The following IST1 variants were observed in gnomAD, a reference collection of about 807,000 sequenced individuals.
IST1 encodes IST1 factor associated with ESCRT-III.
IST1 carries 23 observed loss-of-function variants against 37.0 expected under a neutral mutation model. That is an observed-to-expected ratio of 0.62 (90% CI 0.45 to 0.88). The LOEUF is 0.88. Ranked by LOEUF, IST1 falls within the 40% of genes least tolerant of loss-of-function variation. IST1 has a pLI of 0.00. For missense variants in IST1, 488 were observed against 445.4 expected, an observed-to-expected ratio of 1.10 and a Z score of -0.86; for synonymous variants, 180 against 161.7, an observed-to-expected ratio of 1.11 and a Z score of -0.86.
rs2037631720 is a variant in IST1, at chr16:71,922,659, A to G, written c.738A>G (p.Ser246=). The part of the protein sequence containing the change: ...MPMPSANTPF[S]YPLPKGPSDF... Reference sequence around the variant, plus strand: ...TGCCATCTGCAAATACGCCTTTCTCATATCCACTGCCAAAGGGACCAGTAA... The same window carrying G: ...TGCCATCTGCAAATACGCCTTTCTCGTATCCACTGCCAAAGGGACCAGTAA... The change falls in exon 7 of 10, where the codon TCA becomes TCG. Residue 246 remains serine, a synonymous_variant. Coordinates refer to ENST00000378799, the MANE Select transcript of IST1 (RefSeq NM_001270975.2). 1.2e-6 allele frequency: 2 copies of G among 1,610,156 alleles called. No homozygotes were observed. The highest frequency in any genetic ancestry group is 1.7e-6 in the Non-Finnish European group (2 of 1,179,016).
intron 4 of IST1, among the ~76,000 whole-genome samples, chr16:71,920,464 G>T (rs1252313684): frequency 1.3e-5 from 2 of 152,202 alleles, no homozygotes; most frequent in Admixed American, 1.3e-4. Context: ...TTTGATTAAT[G>T]TAAGACTCTA....
intron 7 of IST1, 70 bp downstream of exon 7, chr16:71,922,750 A>G: frequency 1.6e-6 from 2 of 1,286,738 alleles, no homozygotes; most frequent in Admixed American, 2.0e-5. Flanking sequence ...CTGTGAACAC[A>G]CTCAGGAATC....
At chr16:71,924,026 C>T (rs2037676329) in intron 8 of IST1, 1 of 441,766 alleles carries the variant, frequency 2.3e-6, no homozygotes, top group Non-Finnish European at 4.5e-6. Flanking sequence ...GTAAATTACT[C>T]ATCTAGGAAG....
rs533069531 is a variant in IST1 at position 71,908,720 on chromosome 16, C to G, written c.-15-6906C>G. The stretch of plus-strand genomic sequence containing the variant: ...TATACCAGCGGTCCCCTTTCTAGTT[C>G]CTCAAGCCAGGACTAGAGAGCTCTT... On this transcript the variant is annotated intron_variant, in intron 1 of 9. Coordinates refer to ENST00000378799, the MANE Select transcript of IST1 (RefSeq NM_001270975.2). Among the ~76,000 whole-genome samples the G allele has an allele frequency of 1.3e-4, 20 of 152,266 alleles. No homozygotes were observed. In the South Asian group the frequency reaches 4.1e-3, roughly 32 times the overall value.
At chr16:71,894,552 C>T (rs562791553), upstream of IST1, 4 of 246,018 alleles carry the variant, frequency 1.6e-5, no homozygotes, top group East Asian at 2.9e-4. Context: ...GGCCCTTTTT[C>T]TTTTTTTCTG....
intron 1 of IST1, among the ~76,000 whole-genome samples, chr16:71,898,388 AG>A (rs1240338206): frequency 1.4e-5 from 2 of 143,580 alleles, no homozygotes; most frequent in African/African-American, 2.6e-5. Context: ...AAAAAAAAAA[AG>A]AAACTCTCTT....
At chr16:71,911,452 G>A (rs900289810) in intron 1 of IST1, among the ~76,000 whole-genome samples, 1 of 151,008 alleles carries the variant, frequency 6.6e-6, no homozygotes, top group African/African-American at 2.4e-5. Flanking sequence ...AGAATTGCTT[G>A]AACTTGGGAG....
At chr16:71,901,314 C>T (rs1051937974) in intron 1 of IST1, among the ~76,000 whole-genome samples, 2 of 151,898 alleles carry the variant, frequency 1.3e-5, no homozygotes, top group African/African-American at 2.4e-5. Context: ...CCCGGGTTCA[C>T]GCCATTCTCC....
rs150281737 is a variant in IST1, at chr16:71,905,958, C to G, written c.-15-9668C>G. ...GCTTTATAATGTTCTGGGTTTCCTT[C>G]TGGTTAACACTTCCTTTCTGCATTA... On this transcript the variant is annotated intron_variant, in intron 1 of 9. Transcript: ENST00000378799. Among the ~76,000 whole-genome samples, 112 of 150,296 alleles carry G rather than the reference C, an allele frequency of 7.5e-4. 1 individual carries two copies. Among genetic ancestry groups the G allele is most frequent in the African/African-American group, 2.5e-3 (104 of 40,898 alleles).
chr16:71,901,712 TTTCC>T (rs2037112979), intron 1 of IST1, among the ~76,000 whole-genome samples: 1 of 152,214 alleles, frequency 6.6e-6, no homozygotes, highest in African/African-American at 2.4e-5. Context: ...ATTGCTTTTC[TTTCC>T]TTAATTCTAA....
intron 1 of IST1, among the ~76,000 whole-genome samples, chr16:71,910,632 AAAAG>A (rs1313003238): frequency 6.6e-6 from 1 of 151,740 alleles, no homozygotes; most frequent in Non-Finnish European, 1.5e-5. Flanking sequence ...AAAAAAGAAA[AAAAG>A]GTACTATGTA....
At chr16:71,926,088 G>T (rs956314796) in intron 9 of IST1, among the ~76,000 whole-genome samples, 1 of 151,964 alleles carries the variant, frequency 6.6e-6, no homozygotes, top group African/African-American at 2.4e-5. Context: ...TCAAGACCAG[G>T]CTGGTCAACA....
intron 3 of IST1, 70 bp from the exon 4 acceptor site, chr16:71,916,977 T>C (rs749127857): frequency 5.2e-4 from 510 of 983,384 alleles, no homozygotes; most frequent in Middle Eastern, 2.7e-3. Flanking sequence ...CTATAAAGTA[T>C]ATGAAACAAA....
Position 71,927,616 on chromosome 16 carries a change from C to T in IST1, c.904C>T (p.Pro302Ser), listed in dbSNP as rs775807288. 2 of 1,612,742 alleles carry T rather than the reference C, an allele frequency of 1.2e-6. No homozygotes were observed. The highest frequency in any genetic ancestry group is 1.7e-6 in the Non-Finnish European group (2 of 1,178,914). ...GTTGTGCTCCTTGCCCTAATTAGGT[C>T]CTGGACCCAAGCCAGAAGCCTCTGC... is the stretch of plus-strand genomic sequence containing the variant. ...KNISSAQIVG[P>S]GPKPEASAKL... The change falls in exon 10 of 10, where the codon CCT (proline) becomes TCT (serine). Residue 302 changes from proline (P) to serine (S), a missense_variant and splice_region_variant. By Grantham distance (74) the Pro-to-Ser change is moderately conservative. Transcript: ENST00000378799.
intron 1 of IST1, among the ~76,000 whole-genome samples, chr16:71,896,977 A>AG (rs963687173): frequency 1.3e-5 from 2 of 150,758 alleles, no homozygotes; most frequent in Non-Finnish European, 3.0e-5. Context: ...TAAAAAAAGA[A>AG]AAAAAAAAAG....
chr16:71,917,021 T>G, intron 3 of IST1, 26 bp from the exon 4 acceptor site: 2 of 1,457,406 alleles, frequency 1.4e-6, no homozygotes, highest in Non-Finnish European at 9.5e-7. Flanking sequence ...TTAAAGAATG[T>G]TATATTAATT....
At chr16:71,918,417 CTTTTTTT>C (rs71695136) in intron 4 of IST1, among the ~76,000 whole-genome samples, 2 of 115,338 alleles carry the variant, frequency 1.7e-5, no homozygotes, top group Non-Finnish European at 3.6e-5. Flanking sequence ...CTTATGTAGG[CTTTTTTT>C]TTTTTTTTTT....
At chr16:71,905,844 C>T (rs1200178236) in intron 1 of IST1, among the ~76,000 whole-genome samples, 1 of 152,142 alleles carries the variant, frequency 6.6e-6, no homozygotes, top group Non-Finnish European at 1.5e-5. Context: ...CTCTATCAGA[C>T]AGTACTGGTT....
At position 71,929,270 on chromosome 16, in the gene IST1, C is replaced by G. The variant is rs2037830329; in HGVS notation, c.*1457C>G. 6.5e-6 allele frequency: 2 copies of G among 308,832 alleles called. No homozygotes were observed. Among genetic ancestry groups the G allele is most frequent in the Non-Finnish European group, 6.0e-6 (1 of 166,850 alleles). 19.1% of individuals were successfully genotyped at this position (308,832 alleles called of 1,614,324 possible). ...TAAGTTGCAGTGAGCTCACTTCTGA[C>G]TGCTTCATTTCCCGCAGCCATCCTG... On this transcript the variant is annotated 3_prime_UTR_variant, in exon 10 of 10. Coordinates refer to ENST00000378799, the MANE Select transcript of IST1 (RefSeq NM_001270975.2).
Sources: gnomAD v4.1 joint callset for allele counts (sites outside exome capture counted in the v4.1 genomes callset) on GRCh38, gnomAD v4.1.1 for gene constraint, MANE v1.5 for transcripts, NCBI Gene and HGNC (gene_info 2026-07-23, HGNC 2026-07-21) for gene names.